The following GRM5 variants were observed in gnomAD, a reference collection of about 807,000 sequenced individuals.
The protein encoded by GRM5 is metabotropic glutamate receptor 5.
Under a neutral mutation model 83.1 loss-of-function variants are expected in GRM5, and 19 were observed. The ratio of observed to expected loss-of-function variants is 0.23; its 90% CI spans 0.16 to 0.34. The LOEUF is 0.34. Ranked by LOEUF, GRM5 falls within the 10% of genes least tolerant of loss-of-function variation. The pLI is 1.00. For synonymous variants in GRM5, 675 were observed against 633.6 expected (o/e 1.07, Z -0.98); for missense variants, 1,160 against 1,588.3 (o/e 0.73, Z 4.58).
intron 2 of GRM5, among the ~76,000 whole-genome samples, chr11:89,039,050 G>T (rs556732948): frequency 2.0e-5 from 3 of 152,194 alleles, no homozygotes; most frequent in African/African-American, 4.8e-5. Context: ...CAGATCATGA[G>T]GTCAGGAGAT....
chr11:88,852,650 G>A (rs1255439498), intron 2 of GRM5, among the ~76,000 whole-genome samples: 2 of 151,984 alleles, frequency 1.3e-5, no homozygotes, highest in Non-Finnish European at 2.9e-5. Context: ...ACTCAATTTT[G>A]CAGTGAATCA....
intron 3 of GRM5, among the ~76,000 whole-genome samples, chr11:88,671,737 A>G (rs1381401299): frequency 1.3e-5 from 2 of 152,090 alleles, no homozygotes; most frequent in South Asian, 2.1e-4. Flanking sequence ...AGAATATTGG[A>G]AGTTAAAACA....
At chr11:88,899,202 G>T (rs562746462) in intron 2 of GRM5, among the ~76,000 whole-genome samples, 4 of 151,698 alleles carry the variant, frequency 2.6e-5, no homozygotes, top group African/African-American at 7.2e-5. Flanking sequence ...ATAATTTATT[G>T]CTGTCTTAGG....
At chr11:88,518,104 T>C (rs1268219690) in intron 9 of GRM5, among the ~76,000 whole-genome samples, 2 of 151,976 alleles carry the variant, frequency 1.3e-5, no homozygotes, top group African/African-American at 4.8e-5. Flanking sequence ...ATTTCTGTAT[T>C]ACATTTTTTA....
chr11:88,747,014 T>C (rs1903848), intron 3 of GRM5, among the ~76,000 whole-genome samples: 22,620 of 152,164 alleles, frequency 0.15, 1,978 homozygotes, highest in African/African-American at 0.23. Context: ...ATGAACAAGA[T>C]TCACAAAGTA....
intron 2 of GRM5, among the ~76,000 whole-genome samples, chr11:88,899,565 C>G (rs1039440650): frequency 6.6e-6 from 1 of 151,886 alleles, no homozygotes; most frequent in Non-Finnish European, 1.5e-5. Flanking sequence ...AGGAAATGGA[C>G]TGATTTACCA....
chr11:88,923,694 G>A (rs1945733831), intron 2 of GRM5, among the ~76,000 whole-genome samples: 1 of 151,880 alleles, frequency 6.6e-6, no homozygotes, highest in Non-Finnish European at 1.5e-5. Flanking sequence ...AACAAAAAGA[G>A]TATAGTTGGA....
chr11:88,601,690 T>G (rs1033812202), intron 5 of GRM5, among the ~76,000 whole-genome samples: 3 of 152,198 alleles, frequency 2.0e-5, no homozygotes, highest in African/African-American at 7.2e-5. Context: ...GTACTCAGTC[T>G]AACATTGGGT....
intron 2 of GRM5, among the ~76,000 whole-genome samples, chr11:89,005,930 G>A (rs1355409450): frequency 1.3e-5 from 2 of 152,122 alleles, no homozygotes; most frequent in Non-Finnish European, 2.9e-5. Flanking sequence ...GTCTAGTAGA[G>A]AAAGAATAAA....
At chr11:88,585,315 G>A (rs72639172) in intron 7 of GRM5, among the ~76,000 whole-genome samples, 1,571 of 152,170 alleles carry the variant, frequency 0.01, 59 homozygotes, top group East Asian at 0.1. Context: ...AGTTACAGGG[G>A]CCCCAGCCAA....
chr11:88,870,256 C>T (rs372861421), intron 2 of GRM5, among the ~76,000 whole-genome samples: 15 of 151,606 alleles, frequency 9.9e-5, no homozygotes, highest in African/African-American at 2.9e-4. Flanking sequence ...GTCCCCAAGA[C>T]AGACAGAGTT....
intron 3 of GRM5, among the ~76,000 whole-genome samples, chr11:88,811,432 A>G (rs1407772603): frequency 6.6e-6 from 1 of 152,148 alleles, no homozygotes; most frequent in Non-Finnish European, 1.5e-5. Context: ...TAGAATCCAC[A>G]GTATTCTCTA....
intron 2 of GRM5, among the ~76,000 whole-genome samples, chr11:88,879,710 C>A (rs1031809145): frequency 1.3e-4 from 19 of 151,636 alleles, no homozygotes; most frequent in Non-Finnish European, 5.9e-5. Flanking sequence ...ATATTTTTTA[C>A]CTGTTTATTT....
chr11:89,047,910 T>C lies in GRM5; in HGVS notation c.-38A>G, dbSNP rs1941678011. 2.6e-6 allele frequency: 4 copies of C among 1,546,518 alleles called. No homozygotes were observed. Among genetic ancestry groups the C allele is most frequent in the Non-Finnish European group, 3.6e-6 (4 of 1,124,566 alleles). On this transcript the variant is annotated 5_prime_UTR_variant, in exon 2 of 10. Coordinates refer to ENST00000305447, the MANE Select transcript of GRM5 (RefSeq NM_001143831.3). This position sits in a 1 kb window ranked among gnomAD's most constrained non-coding sequence, Gnocchi z 5.1. ...GTTCAAGCCAATAAAGATAGCATGG[T>C]GGGGAAAATTCAGGAGGGTTCTGAT...
At chr11:88,919,178 A>G (rs7927616) in intron 2 of GRM5, among the ~76,000 whole-genome samples, 41,520 of 133,448 alleles carry the variant, frequency 0.31, 7,219 homozygotes, top group Non-Finnish European at 0.35. Flanking sequence ...ATACACTGAA[A>G]AAAAAAAAGA....
chr11:88,669,389 T>C (rs1298699549), intron 3 of GRM5, among the ~76,000 whole-genome samples: 1 of 152,076 alleles, frequency 6.6e-6, no homozygotes, highest in Non-Finnish European at 1.5e-5. Flanking sequence ...AATGTTGAAA[T>C]ATTTCTTCCT....
intron 2 of GRM5, among the ~76,000 whole-genome samples, chr11:88,898,780 T>C (rs1194702476): frequency 6.6e-6 from 1 of 152,042 alleles, no homozygotes; most frequent in African/African-American, 2.4e-5. Flanking sequence ...ATTTGAACTA[T>C]ATATCTATTT....
intron 3 of GRM5, among the ~76,000 whole-genome samples, chr11:88,844,792 G>A (rs1332256942): frequency 1.3e-5 from 2 of 152,160 alleles, no homozygotes; most frequent in African/African-American, 4.8e-5. Flanking sequence ...AATACTTCCA[G>A]TCAAGGAAAT....
At position 88,567,626 on chromosome 11, in the gene GRM5, C is replaced by T. The variant is rs1286008307; in HGVS notation, c.2057G>A (p.Arg686Lys). The stretch of plus-strand genomic sequence containing the variant: ...TAGCTGGGCACAGGCACTCATGAAT[C>T]TGGGCTTTTTGGTACAGATCTTCTT... ...SKKKICTKKPRFMSACAQLVI... is the reference protein window; with the variant it reads ...SKKKICTKKPKFMSACAQLVI... Residue 686 changes from arginine to lysine, a missense_variant, in exon 8 of 10, where the codon AGA (arginine) becomes AAA (lysine). Arg to Lys is a conservative substitution (Grantham distance 26). Coordinates refer to ENST00000305447, the MANE Select transcript of GRM5 (RefSeq NM_001143831.3). The surrounding 1 kb of genome is among the most constrained non-coding windows in gnomAD (Gnocchi z 7.3). The T allele has an allele frequency of 6.2e-7, 1 of 1,614,168 alleles. No homozygotes were observed. The highest frequency in any genetic ancestry group is 1.7e-5 in the Admixed American group (1 of 60,022).
Sources: allele counts gnomAD v4.1 joint callset (sites outside exome capture counted in the v4.1 genomes callset), GRCh38; gene constraint gnomAD v4.1.1; non-coding constraint Gnocchi (gnomAD v3.1); transcripts MANE v1.5; gene names NCBI Gene and HGNC (gene_info 2026-07-23, HGNC 2026-07-21).